CHST9: variants seen among roughly 807,000 people sequenced by gnomAD.
CHST9 encodes carbohydrate sulfotransferase 9.
Under a neutral mutation model 44.4 loss-of-function variants are expected in CHST9, and 41 were observed. That is an observed-to-expected ratio of 0.92 (90% CI 0.72 to 1.20). The LOEUF is 1.20. Ranked by LOEUF, CHST9 falls within the 50% of genes most tolerant of loss-of-function variation. The probability of loss-of-function intolerance (pLI) is 0.00; values close to 1 mark genes in which losing one functional copy is unlikely to be tolerated. For missense variants in CHST9, 504 were observed against 516.5 expected (o/e 0.98, Z 0.23); for synonymous variants, 171 against 178.4 (o/e 0.96, Z 0.33).
At chr18:26,949,114 G>T (rs1424915858) in intron 4 of CHST9, among the ~76,000 whole-genome samples, 1 of 152,128 alleles carries the variant, frequency 6.6e-6, no homozygotes. Flanking sequence ...GAGACGGGTT[G>T]AAGGGGTAGT....
chr18:27,087,683 T>C (rs1252314750), intron 2 of CHST9, among the ~76,000 whole-genome samples: 2 of 152,188 alleles, frequency 1.3e-5, no homozygotes, highest in Non-Finnish European at 2.9e-5. Flanking sequence ...TATCCCACAA[T>C]GAATTGGGGG....
intron 2 of CHST9, among the ~76,000 whole-genome samples, chr18:27,131,598 G>T (rs2058472497): frequency 6.6e-6 from 1 of 152,120 alleles, no homozygotes; most frequent in Admixed American, 6.5e-5. Flanking sequence ...TCCTGGCTAT[G>T]ATGAGAAACA....
chr18:26,990,025 T>A (rs550975764), intron 4 of CHST9, among the ~76,000 whole-genome samples: 1 of 151,822 alleles, frequency 6.6e-6, no homozygotes, highest in Non-Finnish European at 1.5e-5. Flanking sequence ...GATAAACACA[T>A]TGTGGTATAT....
chr18:26,978,946 A>G (rs2056658716), intron 4 of CHST9, among the ~76,000 whole-genome samples: 1 of 152,140 alleles, frequency 6.6e-6, no homozygotes, highest in African/African-American at 2.4e-5. Flanking sequence ...AGAATTTTCT[A>G]GGTGACTCAT....
At chr18:27,116,082 TG>T (rs1174122093) in intron 2 of CHST9, among the ~76,000 whole-genome samples, 1 of 152,192 alleles carries the variant, frequency 6.6e-6, no homozygotes, top group African/African-American at 2.4e-5. Context: ...TCCCATCCTT[TG>T]GGTTGTCTTT....
chr18:27,101,886 C>T (rs1407506606), intron 2 of CHST9, among the ~76,000 whole-genome samples: 2 of 152,172 alleles, frequency 1.3e-5, no homozygotes, highest in Non-Finnish European at 2.9e-5. Context: ...GATCAGGTGT[C>T]ATTGCATTCA....
intron 4 of CHST9, among the ~76,000 whole-genome samples, chr18:26,963,683 A>T (rs1206640129): frequency 6.6e-6 from 1 of 152,206 alleles, no homozygotes; most frequent in African/African-American, 2.4e-5. Context: ...TAAGATCACA[A>T]ACTTGGGTGT....
At chr18:27,047,889 G>A (rs990684853) in intron 3 of CHST9, among the ~76,000 whole-genome samples, 1 of 152,164 alleles carries the variant, frequency 6.6e-6, no homozygotes, top group Non-Finnish European at 1.5e-5. Context: ...TAAAAGGCAA[G>A]TCATGGAAAT....
At chr18:27,030,520 G>A (rs1380438849) in intron 3 of CHST9, among the ~76,000 whole-genome samples, 1 of 152,198 alleles carries the variant, frequency 6.6e-6, no homozygotes. Flanking sequence ...ACGGCGAGAT[G>A]CAAGATCAGT....
At chr18:27,047,388 T>TTGTGTGTGTGTGTGTGTGTGTGTGTG (rs55698484) in intron 3 of CHST9, among the ~76,000 whole-genome samples, 4 of 145,552 alleles carry the variant, frequency 2.7e-5, no homozygotes, top group African/African-American at 5.1e-5. Context: ...GCCTTCATAA[T>TTGTGTGTGTGTGTGTGTGTGTGTGTG]TGTGTGTGTG....
rs550306611 is a variant in CHST9 at position 26,917,218 on chromosome 18, T to G, written c.373A>C (p.Thr125Pro). ...QGGDQALSKS[T>P]GSPTEKLIEK... is the part of the protein sequence containing the mutation. ...ATCAACTTCTCTGTTGGTGACCCTG[T>G]GGACTTACTTAAAGCTTGATCCCCT... Residue 125 changes from threonine to proline, a missense_variant, in exon 6 of 6, where the codon ACA becomes CCA. Thr to Pro is a conservative substitution (Grantham distance 38). Transcript: ENST00000618847. 6.2e-7 allele frequency: 1 copy of G among 1,613,952 alleles called. No individual in the cohort carries two copies. The highest frequency in any genetic ancestry group is 1.3e-5 in the African/African-American group (1 of 75,034).
intron 1 of CHST9, among the ~76,000 whole-genome samples, chr18:27,162,412 T>C (rs1043739061): frequency 6.6e-6 from 1 of 152,096 alleles, no homozygotes; most frequent in African/African-American, 2.4e-5. Flanking sequence ...AAAATTCTTT[T>C]CTTTAAGAAT....
chr18:26,940,159 C>A (rs1195873697), intron 5 of CHST9, among the ~76,000 whole-genome samples: 1 of 152,154 alleles, frequency 6.6e-6, no homozygotes, highest in Non-Finnish European at 1.5e-5. Context: ...AGTTCAGCTG[C>A]TATGTTCCTT....
chr18:26,997,723 A>G (rs868860147), intron 4 of CHST9, among the ~76,000 whole-genome samples: 43 of 152,308 alleles, frequency 2.8e-4, no homozygotes, highest in African/African-American at 1.0e-3. Flanking sequence ...CTTTCCCTTT[A>G]TAATAGCACA....
chr18:27,108,649 A>G (rs2058243280), intron 2 of CHST9, among the ~76,000 whole-genome samples: 1 of 152,202 alleles, frequency 6.6e-6, no homozygotes, highest in Admixed American at 6.5e-5. Context: ...CTTTTTACAA[A>G]GAAACATCTC....
At chr18:27,172,271 A>G (rs1382416289) in intron 1 of CHST9, among the ~76,000 whole-genome samples, 1 of 152,098 alleles carries the variant, frequency 6.6e-6, no homozygotes, top group Non-Finnish European at 1.5e-5. Context: ...CTTTTAACTT[A>G]TGTTATTCAT....
intron 4 of CHST9, among the ~76,000 whole-genome samples, chr18:26,987,419 A>C (rs1598617689): frequency 1.3e-5 from 2 of 152,298 alleles, no homozygotes; most frequent in East Asian, 3.9e-4. Flanking sequence ...CCAGTCTCAG[A>C]TATTCTGTTA....
intron 2 of CHST9, among the ~76,000 whole-genome samples, chr18:27,115,770 C>T (rs1215017768): frequency 6.6e-6 from 1 of 152,164 alleles, no homozygotes; most frequent in Admixed American, 6.5e-5. Context: ...ACCTTGGACT[C>T]CCAAAGTGAT....
chr18:26,965,206 C>T (rs1365735851), intron 4 of CHST9, among the ~76,000 whole-genome samples: 2 of 152,162 alleles, frequency 1.3e-5, no homozygotes, highest in African/African-American at 4.8e-5. Flanking sequence ...TGTCCCCTGG[C>T]TGGTGGGTCA....
Sources: gnomAD v4.1 joint callset for allele counts (sites outside exome capture counted in the v4.1 genomes callset) on GRCh38, gnomAD v4.1.1 for gene constraint, MANE v1.5 for transcripts, NCBI Gene and HGNC (gene_info 2026-07-23, HGNC 2026-07-21) for gene names.